The following NRG3 variants were observed in gnomAD, a reference collection of about 807,000 sequenced individuals.
NRG3 encodes the protein neuregulin 3.
Under a neutral mutation model 66.9 loss-of-function variants are expected in NRG3, and 31 were observed. That is an observed-to-expected ratio of 0.46 (90% CI 0.35 to 0.63). The LOEUF is 0.63. Ranked by LOEUF, NRG3 falls within the 20% of genes least tolerant of loss-of-function variation. The pLI is 0.00. For missense variants in NRG3, 910 were observed against 878.9 expected (o/e 1.04, Z -0.45); for synonymous variants, 393 against 359.4 (o/e 1.09, Z -1.06).
chr10:82,804,488 T>A (rs2061191985), intron 3 of NRG3, among the ~76,000 whole-genome samples: 1 of 152,140 alleles, frequency 6.6e-6, no homozygotes, highest in Admixed American at 6.5e-5. Context: ...GTTTCTGGCA[T>A]CCACAGGGGG....
intron 1 of NRG3, among the ~76,000 whole-genome samples, chr10:82,347,473 A>C (rs2083104153): frequency 6.6e-6 from 1 of 151,234 alleles, no homozygotes; most frequent in Non-Finnish European, 1.5e-5. Flanking sequence ...TGCTGAGGAG[A>C]GCTTTACTTC....
chr10:82,483,869 C>A (rs890145857), intron 2 of NRG3, among the ~76,000 whole-genome samples: 4 of 152,148 alleles, frequency 2.6e-5, no homozygotes, highest in African/African-American at 9.7e-5. Flanking sequence ...TTAGAAATGG[C>A]AACAAATCTG....
intron 2 of NRG3, among the ~76,000 whole-genome samples, chr10:82,489,956 C>T (rs912138219): frequency 3.3e-5 from 5 of 152,082 alleles, no homozygotes; most frequent in Admixed American, 6.6e-5. Flanking sequence ...TCATTTTCAA[C>T]CTCATACCTG....
At chr10:82,465,055 G>T (rs186577795) in intron 2 of NRG3, among the ~76,000 whole-genome samples, 1 of 152,156 alleles carries the variant, frequency 6.6e-6, no homozygotes, top group Non-Finnish European at 1.5e-5. Flanking sequence ...ATTCTCCCAG[G>T]AACTGGTTTT....
intron 2 of NRG3, among the ~76,000 whole-genome samples, chr10:82,633,187 T>C (rs572112955): frequency 1.3e-5 from 2 of 152,340 alleles, no homozygotes; most frequent in East Asian, 3.9e-4. Context: ...AGAAGACTTT[T>C]CCTTATAGTG....
At chr10:82,377,844 A>G (rs148828602) in intron 2 of NRG3, among the ~76,000 whole-genome samples, 258 of 152,302 alleles carry the variant, frequency 1.7e-3, no homozygotes, top group Middle Eastern at 6.8e-3. Context: ...AACGTTTACA[A>G]ATCAGGTTGG....
chr10:82,779,893 G>T (rs535521159), intron 3 of NRG3, among the ~76,000 whole-genome samples: 3 of 133,834 alleles, frequency 2.2e-5, no homozygotes, highest in Admixed American at 7.6e-5. Context: ...CCCCCGACAG[G>T]CCCCGGTGTG....
At chr10:82,874,167 T>C (rs1308618777) in intron 4 of NRG3, among the ~76,000 whole-genome samples, 1 of 152,066 alleles carries the variant, frequency 6.6e-6, no homozygotes, top group Non-Finnish European at 1.5e-5. Flanking sequence ...GTAAAGAAAA[T>C]AGGCTTTAGT....
intron 1 of NRG3, among the ~76,000 whole-genome samples, chr10:82,081,679 C>T (rs997586626): frequency 6.6e-6 from 1 of 152,184 alleles, no homozygotes; most frequent in African/African-American, 2.4e-5. Context: ...CACTTAGTCT[C>T]TGCTTTATAC....
intron 2 of NRG3, among the ~76,000 whole-genome samples, chr10:82,389,924 T>C (rs2086240365): frequency 6.6e-6 from 1 of 152,204 alleles, no homozygotes; most frequent in South Asian, 2.1e-4. Flanking sequence ...ACAGGCCTAT[T>C]AGAGCGGCTA....
intron 1 of NRG3, among the ~76,000 whole-genome samples, chr10:82,312,587 G>T (rs934546636): frequency 6.6e-6 from 1 of 152,194 alleles, no homozygotes; most frequent in Non-Finnish European, 1.5e-5. Flanking sequence ...TAAATGTTGG[G>T]CTTCTGTTCT....
At chr10:82,374,686 G>A (rs950947382) in intron 2 of NRG3, among the ~76,000 whole-genome samples, 1 of 152,092 alleles carries the variant, frequency 6.6e-6, no homozygotes, top group Non-Finnish European at 1.5e-5. Flanking sequence ...TGACTGTGCT[G>A]TGGGTCCACA....
chr10:82,029,319 T>TA (rs1193404668), intron 1 of NRG3, among the ~76,000 whole-genome samples: 2 of 152,140 alleles, frequency 1.3e-5, no homozygotes, highest in Admixed American at 1.3e-4. Context: ...CCTTCCTTTG[T>TA]AAAAATAGAC....
intron 4 of NRG3, among the ~76,000 whole-genome samples, chr10:82,932,209 A>T (rs11814517): frequency 0.09 from 13,664 of 152,038 alleles, 820 homozygotes; most frequent in African/African-American, 0.15. Flanking sequence ...GAAATTTAGG[A>T]TTCCGTAGGA....
chr10:81,979,335 T>A (rs1488815103), intron 1 of NRG3, among the ~76,000 whole-genome samples: 1 of 151,956 alleles, frequency 6.6e-6, no homozygotes, highest in Non-Finnish European at 1.5e-5. Context: ...AACAATAATA[T>A]AACATAAAAG....
chr10:82,861,323 TGCC>T (rs2135921205), intron 3 of NRG3, among the ~76,000 whole-genome samples: 1 of 152,338 alleles, frequency 6.6e-6, no homozygotes, highest in East Asian at 1.9e-4. Context: ...AAAATATAAA[TGCC>T]ATCTTCCTTG....
chr10:82,237,044 A>G (rs928243775), intron 1 of NRG3, among the ~76,000 whole-genome samples: 2 of 152,154 alleles, frequency 1.3e-5, no homozygotes, highest in African/African-American at 4.8e-5. Flanking sequence ...AAACACATAT[A>G]TCAGACAATG....
At chr10:82,861,049 A>G (rs1409780010) in intron 3 of NRG3, among the ~76,000 whole-genome samples, 4 of 152,100 alleles carry the variant, frequency 2.6e-5, no homozygotes, top group South Asian at 2.1e-4. Context: ...GATTTTCATT[A>G]ATTCTTCCAT....
intron 1 of NRG3, among the ~76,000 whole-genome samples, chr10:81,952,662 T>C (rs1849482345): frequency 6.6e-6 from 1 of 151,958 alleles, no homozygotes; most frequent in Admixed American, 6.6e-5. Flanking sequence ...TGGAGTAGAG[T>C]GTCACAATAA....
Sources: gnomAD v4.1 joint callset for allele counts (sites outside exome capture counted in the v4.1 genomes callset) on GRCh38, gnomAD v4.1.1 for gene constraint, MANE v1.5 for transcripts, NCBI Gene and HGNC (gene_info 2026-07-23, HGNC 2026-07-21) for gene names.